WAC: variants seen among roughly 807,000 people sequenced by gnomAD.
WAC encodes WW domain containing adaptor with coiled-coil.
WAC carries 11 observed loss-of-function variants against 79.6 expected under a neutral mutation model. That is an observed-to-expected ratio of 0.14 (90% CI 0.09 to 0.23). The LOEUF (loss-of-function observed/expected upper bound fraction) is 0.23, where lower values mean the gene tolerates loss of function less well. Among genes scored for constraint, WAC ranks in the 10% least tolerant of loss-of-function variants. WAC has a pLI of 1.00. For missense variants in WAC, 728 were observed against 773.5 expected (o/e 0.94, Z 0.70); for synonymous variants, 304 against 276.9 (o/e 1.10, Z -0.97).
Position 28,595,396 on chromosome 10 carries a change from A to G in WAC, c.611-337A>G, listed in dbSNP as rs558896887. On this transcript the variant is annotated intron_variant, in intron 6 of 13. Coordinates refer to ENST00000354911, the MANE Select transcript of WAC (RefSeq NM_016628.5). ...TTTAAAACATTTTTTAAAATTTTAT[A>G]AGATATTATAACTCCATATGTTGAT... 3.5e-4 allele frequency among the ~76,000 whole-genome samples: 53 copies of G among 151,466 alleles called. No individual in the cohort carries two copies. In the East Asian group the frequency reaches 6.8e-3, roughly 19 times the overall value.
At chr10:28,581,966 A>G (rs776864524) in intron 3 of WAC, among the ~76,000 whole-genome samples, 4 of 152,244 alleles carry the variant, frequency 2.6e-5, no homozygotes, top group Non-Finnish European at 5.9e-5. Flanking sequence ...GTACAGCAAG[A>G]TGAAATCAAA....
At chr10:28,567,407 AT>A (rs1838707333) in intron 3 of WAC, among the ~76,000 whole-genome samples, 1 of 152,136 alleles carries the variant, frequency 6.6e-6, no homozygotes, top group South Asian at 2.1e-4. Context: ...TGCCCTTAAA[AT>A]TTGGTGTTTG....
chr10:28,534,034 G>A lies in WAC; in HGVS notation c.78G>A (p.Gln26=). ...GGAGGGGGGACTCGCAGCCTTACCA[G>A]GTACCAGCCGAGGCCGGGGTGGAGG... ...HDRRGDSQPY[Q]ALKYSSKSHP... The change falls in exon 2 of 14, where the codon CAG becomes CAA. Residue 26 remains glutamine, a splice_region_variant and synonymous_variant. Transcript: ENST00000354911. 6.3e-7 allele frequency: 1 copy of A among 1,583,670 alleles called. No homozygotes were observed. The highest frequency in any genetic ancestry group is 8.6e-7 in the Non-Finnish European group (1 of 1,166,708).
At chr10:28,583,132 GT>G (rs1839625889) in intron 3 of WAC, among the ~76,000 whole-genome samples, 1 of 151,972 alleles carries the variant, frequency 6.6e-6, no homozygotes, top group Non-Finnish European at 1.5e-5. Flanking sequence ...TAAAGATAAG[GT>G]TTTGTTTCTC....
rs368949149 is a variant in WAC at position 28,533,986 on chromosome 10, C to A, written c.42-12C>A. ...GTGTCTTATGTCGCTGCCTTCTCTT[C>A]CTGTTTTTCAGCTGTCACGACCGGA... On this transcript the variant is annotated splice_polypyrimidine_tract_variant and intron_variant, in intron 1 of 13. Coordinates refer to ENST00000354911, the MANE Select transcript of WAC (RefSeq NM_016628.5). 1.2e-6 allele frequency: 2 copies of A among 1,606,320 alleles called. No individual in the cohort carries two copies. The highest frequency in any genetic ancestry group is 8.5e-7 in the Non-Finnish European group (1 of 1,176,596).
At chr10:28,574,347 C>G (rs1839134581) in intron 3 of WAC, among the ~76,000 whole-genome samples, 1 of 152,100 alleles carries the variant, frequency 6.6e-6, no homozygotes, top group Non-Finnish European at 1.5e-5. Flanking sequence ...GGGGTTTCCC[C>G]ATGTTGGCCA....
chr10:28,533,546 C>A lies in WAC; in HGVS notation c.-34C>A. The A allele has an allele frequency of 7.2e-7, 1 of 1,381,396 alleles. No homozygotes were observed. The highest frequency in any genetic ancestry group is 9.6e-7 in the Non-Finnish European group (1 of 1,046,208). The allele number at this position is 1,381,396 out of a possible 1,614,324, so 85.6% of individuals were successfully genotyped here. On this transcript the variant is annotated 5_prime_UTR_variant, in exon 1 of 14. Coordinates refer to ENST00000354911, the MANE Select transcript of WAC (RefSeq NM_016628.5). Reference sequence around the variant, plus strand: ...GCCCGCCTTTCGCGGCCGCTCTCCCCCCTCCCCGACACACACTCACAGGCC... The same window carrying A: ...GCCCGCCTTTCGCGGCCGCTCTCCCACCTCCCCGACACACACTCACAGGCC...
At chr10:28,608,828 A>G (rs1270275366) in intron 8 of WAC, among the ~76,000 whole-genome samples, 1 of 152,220 alleles carries the variant, frequency 6.6e-6, no homozygotes, top group African/African-American at 2.4e-5. Flanking sequence ...AATATTTAAA[A>G]TATGCTAATT....
At chr10:28,541,425 T>G (rs1304297612) in intron 3 of WAC, among the ~76,000 whole-genome samples, 1 of 137,522 alleles carries the variant, frequency 7.3e-6, no homozygotes, top group African/African-American at 2.7e-5. Flanking sequence ...GTTTTGTTTT[T>G]TTTTTTTTTT....
At chr10:28,583,368 T>C in intron 3 of WAC, 31 bp from the exon 4 acceptor site, 1 of 1,483,124 alleles carries the variant, frequency 6.7e-7, no homozygotes. Flanking sequence ...ACAGTTTACT[T>C]GTAATTCACT....
intron 8 of WAC, among the ~76,000 whole-genome samples, chr10:28,610,166 T>C (rs774198288): frequency 2.6e-5 from 4 of 151,884 alleles, no homozygotes; most frequent in Non-Finnish European, 4.4e-5. Flanking sequence ...CTCCTAACCT[T>C]AGGCGATCCA....
At chr10:28,565,535 G>A (rs1838554276) in intron 3 of WAC, among the ~76,000 whole-genome samples, 2 of 152,078 alleles carry the variant, frequency 1.3e-5, no homozygotes, top group African/African-American at 4.8e-5. Flanking sequence ...ACCCCACCCA[G>A]CTCTGCTTAA....
At chr10:28,560,071 G>A (rs1224393683) in intron 3 of WAC, among the ~76,000 whole-genome samples, 1 of 152,198 alleles carries the variant, frequency 6.6e-6, no homozygotes, top group African/African-American at 2.4e-5. Flanking sequence ...GCCAGGCGTG[G>A]TGGCTCATGC....
intron 3 of WAC, among the ~76,000 whole-genome samples, chr10:28,546,212 T>C (rs1837340974): frequency 6.6e-6 from 1 of 152,252 alleles, no homozygotes; most frequent in East Asian, 1.9e-4. Flanking sequence ...TTCATAGAAC[T>C]AATCTTTTCT....
At chr10:28,589,704 C>A in intron 4 of WAC, 32 bp from the exon 5 acceptor site, 1 of 1,413,600 alleles carries the variant, frequency 7.1e-7, no homozygotes. Flanking sequence ...ATAGTATTAA[C>A]ATTTTCTAAT....
chr10:28,590,467 A>C (rs1840029144), intron 5 of WAC, among the ~76,000 whole-genome samples: 1 of 152,176 alleles, frequency 6.6e-6, no homozygotes, highest in African/African-American at 2.4e-5. Context: ...TGTTTCTTTC[A>C]CATGTAGAAT....
intron 7 of WAC, 67 bp downstream of exon 7, chr10:28,596,108 A>G: frequency 2.1e-6 from 3 of 1,449,894 alleles, no homozygotes; most frequent in Admixed American, 2.3e-5. Context: ...AGTTTCTTAT[A>G]TATTACATTA....
intron 2 of WAC, 138 bp from the exon 3 acceptor site, chr10:28,535,423 TA>T: frequency 9.4e-7 from 1 of 1,062,576 alleles, no homozygotes; most frequent in Non-Finnish European, 1.3e-6. Flanking sequence ...CTTTAAAGAG[TA>T]AAGCAGAATT....
At chr10:28,567,980 C>T (rs998638718) in intron 3 of WAC, among the ~76,000 whole-genome samples, 3 of 152,162 alleles carry the variant, frequency 2.0e-5, no homozygotes, top group African/African-American at 7.2e-5. Context: ...TCAAGTGATC[C>T]GCCCACCCTG....
Sources: gnomAD v4.1 joint callset for allele counts (sites outside exome capture counted in the v4.1 genomes callset) on GRCh38, gnomAD v4.1.1 for gene constraint, MANE v1.5 for transcripts, NCBI Gene and HGNC (gene_info 2026-07-23, HGNC 2026-07-21) for gene names.